ARB2A: variants seen among roughly 807,000 people sequenced by gnomAD.
ARB2A encodes ARB2 cotranscriptional regulator A.
the ARB2A span, among the ~76,000 whole-genome samples, chr5:93,975,184 C>T: frequency 1.1e-4 from 17 of 151,520 alleles, no homozygotes; most frequent in African/African-American, 3.6e-4. Context: ...GGCATGGTAG[C>T]GAGCACCTTG....
At chr5:94,086,750 A>G in the ARB2A span, among the ~76,000 whole-genome samples, 1 of 152,052 alleles carries the variant, frequency 6.6e-6, no homozygotes, top group East Asian at 1.9e-4. Context: ...ACGGGGTTTC[A>G]CCACAGTGGC....
chr5:94,001,098 G>A, the ARB2A span, among the ~76,000 whole-genome samples: 2 of 151,920 alleles, frequency 1.3e-5, no homozygotes, highest in East Asian at 3.9e-4. Flanking sequence ...CTCCAACTTG[G>A]TTTTTCTTCA....
the ARB2A span, among the ~76,000 whole-genome samples, chr5:93,859,730 A>C: frequency 6.6e-6 from 1 of 152,230 alleles, no homozygotes; most frequent in South Asian, 2.1e-4. Context: ...AACTAGTAAT[A>C]AGGAAAATGC....
chr5:93,703,584 C>T, the ARB2A span, among the ~76,000 whole-genome samples: 2 of 152,014 alleles, frequency 1.3e-5, no homozygotes, highest in Non-Finnish European at 2.9e-5. Context: ...ATGGTTTTTG[C>T]GAATCAATAA....
At chr5:94,035,381 C>A in the ARB2A span, among the ~76,000 whole-genome samples, 1 of 151,968 alleles carries the variant, frequency 6.6e-6, no homozygotes, top group Non-Finnish European at 1.5e-5. Context: ...TTGTTATCTG[C>A]TTTGATTTTA....
the ARB2A span, among the ~76,000 whole-genome samples, chr5:94,033,549 C>T: frequency 2.8e-4 from 43 of 152,250 alleles, 1 homozygote; most frequent in East Asian, 7.5e-3. Flanking sequence ...CTCAGCCTCC[C>T]GAGTAGCTGG....
At chr5:93,709,649 A>AAAAAAAAAC in the ARB2A span, among the ~76,000 whole-genome samples, 1 of 149,920 alleles carries the variant, frequency 6.7e-6, no homozygotes, top group African/African-American at 2.4e-5. Flanking sequence ...AAAAAAAAAA[A>AAAAAAAAAC]AAAAAAAACC....
chr5:94,069,087 T>TAGATAGACAGAC, the ARB2A span, among the ~76,000 whole-genome samples: 2 of 151,368 alleles, frequency 1.3e-5, no homozygotes, highest in African/African-American at 4.8e-5. Context: ...GATAGATAGA[T>TAGATAGACAGAC]AGACTAATGG....
the ARB2A span, among the ~76,000 whole-genome samples, chr5:93,698,547 A>G: frequency 5.3e-5 from 8 of 152,198 alleles, no homozygotes; most frequent in African/African-American, 1.9e-4. Context: ...AGATCCAAAG[A>G]AAATGAGGGG....
chr5:94,012,268 G>A, the ARB2A span, among the ~76,000 whole-genome samples: 3 of 152,200 alleles, frequency 2.0e-5, no homozygotes, highest in Admixed American at 6.5e-5. Context: ...CAGGCGTGGT[G>A]GTGGGTGCCT....
the ARB2A span, among the ~76,000 whole-genome samples, chr5:93,947,758 T>C: frequency 1.4e-5 from 2 of 145,258 alleles, no homozygotes; most frequent in Non-Finnish European, 3.0e-5. Context: ...TGAGTGAGAA[T>C]ATGCAGTGTT....
the ARB2A span, chr5:93,776,261 C>A: frequency 6.3e-7 from 1 of 1,578,076 alleles, no homozygotes; most frequent in Non-Finnish European, 8.6e-7. Flanking sequence ...GTAATAGAGA[C>A]AATATTGTTG....
At chr5:93,804,049 ATT>A in the ARB2A span, among the ~76,000 whole-genome samples, 1 of 152,012 alleles carries the variant, frequency 6.6e-6, no homozygotes, top group Admixed American at 6.6e-5. Context: ...CCATAAATAC[ATT>A]TGATTCCTTT....
At chr5:93,723,066 T>C in the ARB2A span, among the ~76,000 whole-genome samples, 1 of 152,116 alleles carries the variant, frequency 6.6e-6, no homozygotes, top group East Asian at 1.9e-4. Flanking sequence ...CTGTAGTCAT[T>C]TGTGACAAGA....
chr5:93,912,101 T>A, the ARB2A span, among the ~76,000 whole-genome samples: 1 of 151,746 alleles, frequency 6.6e-6, no homozygotes, highest in Non-Finnish European at 1.5e-5. Context: ...CAATTCTAGA[T>A]TGATTTTTGT....
At chr5:93,642,676 C>T in the ARB2A span, among the ~76,000 whole-genome samples, 1 of 151,904 alleles carries the variant, frequency 6.6e-6, no homozygotes, top group African/African-American at 2.4e-5. Context: ...GACCGGCCCC[C>T]AGCTAATTAA....
the ARB2A span, among the ~76,000 whole-genome samples, chr5:93,872,598 C>T: frequency 6.6e-6 from 1 of 152,052 alleles, no homozygotes. Context: ...TTACCAAATC[C>T]AAAGAAGGCT....
At chr5:93,768,281 T>G in the ARB2A span, among the ~76,000 whole-genome samples, 1 of 151,146 alleles carries the variant, frequency 6.6e-6, no homozygotes, top group African/African-American at 2.4e-5. Context: ...CACCAAAACC[T>G]CACTAATCAC....
At chr5:93,852,963 T>G in the ARB2A span, among the ~76,000 whole-genome samples, 1 of 152,196 alleles carries the variant, frequency 6.6e-6, no homozygotes, top group Non-Finnish European at 1.5e-5. Flanking sequence ...CCATATGAAC[T>G]TTAAAGTAGT....
Sources: allele counts gnomAD v4.1 joint callset (sites outside exome capture counted in the v4.1 genomes callset), GRCh38; gene constraint gnomAD v4.1.1; transcripts MANE v1.5; gene names NCBI Gene and HGNC (gene_info 2026-07-23, HGNC 2026-07-21).